The following CNTNAP2 variants were observed in gnomAD, a reference collection of about 807,000 sequenced individuals.
CNTNAP2 encodes the protein contactin associated protein 2, also known as contactin-associated protein-like 2.
CNTNAP2 carries 98 observed loss-of-function variants against 155.2 expected under a neutral mutation model. That is an observed-to-expected ratio of 0.63 (90% CI 0.54 to 0.75). CNTNAP2 has a LOEUF of 0.75. Among genes scored for constraint, CNTNAP2 ranks in the 30% least tolerant of loss-of-function variants. The pLI is 0.00. For missense variants in CNTNAP2, 1,727 were observed against 1,688.1 expected (o/e 1.02, Z -0.40); for synonymous variants, 651 against 631.2 (o/e 1.03, Z -0.47).
chr7:146,442,396 G>T (rs1796332311), intron 1 of CNTNAP2, among the ~76,000 whole-genome samples: 1 of 147,124 alleles, frequency 6.8e-6, no homozygotes, highest in Admixed American at 6.6e-5. Flanking sequence ...AGGTACAAAT[G>T]CAATAGAGGA....
At chr7:148,175,052 G>A (rs532096957) in intron 18 of CNTNAP2, among the ~76,000 whole-genome samples, 20 of 152,230 alleles carry the variant, frequency 1.3e-4, no homozygotes, top group African/African-American at 4.8e-4. Flanking sequence ...ATGATGGCCT[G>A]TAGCTTCATC....
intron 4 of CNTNAP2, among the ~76,000 whole-genome samples, chr7:147,101,127 C>T (rs77855867): frequency 0.019 from 2,820 of 152,210 alleles, 74 homozygotes; most frequent in African/African-American, 0.064. Context: ...CGTTTACCAT[C>T]AGGAGCACAT....
chr7:146,333,643 T>A (rs1035525521), intron 1 of CNTNAP2, among the ~76,000 whole-genome samples: 2 of 152,222 alleles, frequency 1.3e-5, no homozygotes, highest in African/African-American at 4.8e-5. Flanking sequence ...TTAAGGAGTA[T>A]TTTATTTAAG....
At chr7:146,636,895 T>TA (rs1205408651) in intron 1 of CNTNAP2, among the ~76,000 whole-genome samples, 10 of 152,142 alleles carry the variant, frequency 6.6e-5, no homozygotes, top group African/African-American at 1.9e-4. Flanking sequence ...ATTCCAAACA[T>TA]ATATAAAACT....
intron 15 of CNTNAP2, among the ~76,000 whole-genome samples, chr7:148,097,067 C>T (rs1452077144): frequency 1.3e-5 from 2 of 152,098 alleles, no homozygotes; most frequent in Admixed American, 6.5e-5. Context: ...ATCAATTGTT[C>T]ATCGTGGTAC....
At chr7:147,715,808 A>G (rs1563063027) in intron 13 of CNTNAP2, among the ~76,000 whole-genome samples, 1 of 151,998 alleles carries the variant, frequency 6.6e-6, no homozygotes, top group Non-Finnish European at 1.5e-5. Context: ...TTCTTTTTCT[A>G]GACATTTTAT....
intron 13 of CNTNAP2, among the ~76,000 whole-genome samples, chr7:147,750,688 T>C (rs185706682): frequency 1.9e-3 from 288 of 152,320 alleles, no homozygotes; most frequent in Middle Eastern, 6.8e-3. Context: ...TGCTATCAGC[T>C]AAAATGATCC....
chr7:146,199,550 AT>A (rs1431625348), intron 1 of CNTNAP2, among the ~76,000 whole-genome samples: 2 of 152,210 alleles, frequency 1.3e-5, no homozygotes, highest in African/African-American at 4.8e-5. Flanking sequence ...TAAGGTTGTA[AT>A]TTTATCACTG....
intron 11 of CNTNAP2, among the ~76,000 whole-genome samples, chr7:147,535,598 T>C (rs1178408023): frequency 6.6e-6 from 1 of 152,176 alleles, no homozygotes; most frequent in Non-Finnish European, 1.5e-5. Flanking sequence ...AAATGGCTTT[T>C]TCTTCCTCCA....
intron 8 of CNTNAP2, among the ~76,000 whole-genome samples, chr7:147,242,191 C>CA (rs554173918): frequency 2.7e-3 from 405 of 152,166 alleles, no homozygotes; most frequent in African/African-American, 9.2e-3. Flanking sequence ...TCTTTATTTC[C>CA]CCATTCATTC....
intron 8 of CNTNAP2, among the ~76,000 whole-genome samples, chr7:147,293,016 C>T (rs1805348090): frequency 6.6e-6 from 1 of 152,192 alleles, no homozygotes; most frequent in African/African-American, 2.4e-5. Flanking sequence ...GATATGCCCG[C>T]TTCTGCCTTC....
intron 1 of CNTNAP2, among the ~76,000 whole-genome samples, chr7:146,381,344 A>T (rs1795386353): frequency 6.6e-6 from 1 of 152,170 alleles, no homozygotes; most frequent in Admixed American, 6.5e-5. Context: ...TAGAGTTACA[A>T]TATTAATCAA....
At chr7:146,975,928 A>G (rs1429443123) in intron 3 of CNTNAP2, among the ~76,000 whole-genome samples, 1 of 152,170 alleles carries the variant, frequency 6.6e-6, no homozygotes, top group Admixed American at 6.5e-5. Context: ...ATGATCCTGT[A>G]AGGGAGCTAA....
At chr7:146,464,187 G>GTTTTTTTTTTTTTTTT (rs369508603) in intron 1 of CNTNAP2, among the ~76,000 whole-genome samples, 38 of 91,532 alleles carry the variant, frequency 4.2e-4, no homozygotes, top group African/African-American at 1.3e-3. Flanking sequence ...CTTTGAAACT[G>GTTTTTTTTTTTTTTTT]TTTTTTTTTT....
chr7:146,667,798 G>A (rs939027148), intron 1 of CNTNAP2, among the ~76,000 whole-genome samples: 1 of 151,612 alleles, frequency 6.6e-6, no homozygotes, highest in Non-Finnish European at 1.5e-5. Context: ...GTATAGAAAT[G>A]CTATGGATTT....
intron 1 of CNTNAP2, among the ~76,000 whole-genome samples, chr7:146,463,714 G>A (rs1229825933): frequency 6.6e-6 from 1 of 151,784 alleles, no homozygotes; most frequent in Admixed American, 6.6e-5. Flanking sequence ...ATACATATGT[G>A]TATATGTGTG....
intron 18 of CNTNAP2, among the ~76,000 whole-genome samples, chr7:148,195,529 T>C (rs756582487): frequency 6.0e-4 from 92 of 152,342 alleles, no homozygotes; most frequent in Non-Finnish European, 1.0e-3. Context: ...TAGCTAGCTT[T>C]CCAAACTAGA....
chr7:147,231,573 T>C (rs1803682550), intron 8 of CNTNAP2, among the ~76,000 whole-genome samples: 2 of 152,252 alleles, frequency 1.3e-5, no homozygotes, highest in South Asian at 4.1e-4. Flanking sequence ...AGTTCACTTT[T>C]CTTTACACCC....
At chr7:147,780,480 A>G (rs145915680) in intron 13 of CNTNAP2, among the ~76,000 whole-genome samples, 2 of 152,308 alleles carry the variant, frequency 1.3e-5, no homozygotes, top group African/African-American at 4.8e-5. Context: ...ACATCTAGCC[A>G]CAGAAAATCC....
Sources: gnomAD v4.1 joint callset for allele counts (sites outside exome capture counted in the v4.1 genomes callset) on GRCh38, gnomAD v4.1.1 for gene constraint, MANE v1.5 for transcripts, NCBI Gene and HGNC (gene_info 2026-07-23, HGNC 2026-07-21) for gene names.